MAP2K2: variants seen among roughly 807,000 people sequenced by gnomAD.
MAP2K2 encodes mitogen-activated protein kinase kinase 2, also known as dual specificity mitogen-activated protein kinase kinase 2.
In MAP2K2, 24 loss-of-function variants were observed where a neutral mutation model predicts 43.7. That is an observed-to-expected ratio of 0.55 (90% CI 0.40 to 0.77). The LOEUF (loss-of-function observed/expected upper bound fraction) is 0.77, where lower values mean the gene tolerates loss of function less well. MAP2K2 is among the 30% of genes least tolerant of loss of function. The pLI is 0.00. For synonymous variants in MAP2K2, 244 were observed against 239.7 expected, an observed-to-expected ratio of 1.02 and a Z score of -0.17; for missense variants, 470 against 566.8, an observed-to-expected ratio of 0.83 and a Z score of 1.73.
rs587781028 is a variant in MAP2K2 at position 4,095,429 on chromosome 19, G to A, written c.1005C>T (p.Asn335=). 4.9e-5 allele frequency: 76 copies of A among 1,551,242 alleles called. No homozygotes were observed. The highest frequency in any genetic ancestry group is 1.5e-4 in the South Asian group (13 of 84,058). Residue 335 remains asparagine, a synonymous_variant, in exon 9 of 11, where the codon AAC becomes AAT. Transcript: ENST00000262948. ...IVNEPPPKLP[N]GVFTPDFQEF... ...CCTGGAAGTCGGGGGTGAACACACCGTTGGGCAGCTTAGGAGGTGGCTGTG... is the reference window on the plus strand; with the variant it reads ...CCTGGAAGTCGGGGGTGAACACACCATTGGGCAGCTTAGGAGGTGGCTGTG...
chr19:4,102,564 G>A lies in MAP2K2; in HGVS notation c.451-111C>T, dbSNP rs116258312. The A allele has an allele frequency of 7.5e-5, 74 of 985,820 alleles. No homozygotes were observed. In the African/African-American group the frequency reaches 1.1e-3, roughly 15 times the overall value. 61.1% of individuals were successfully genotyped at this position (985,820 alleles called of 1,614,324 possible). On this transcript the variant is annotated intron_variant, in intron 3 of 10. Coordinates refer to ENST00000262948, the MANE Select transcript of MAP2K2 (RefSeq NM_030662.4). ...TGGTCTGCCTCCTGACGGGAAGCAG[G>A]GGCCGGAGCCCAACTCCACCCACGG...
intron 3 of MAP2K2, chr19:4,103,100 G>A: frequency 9.9e-7 from 1 of 1,014,080 alleles, no homozygotes; most frequent in Non-Finnish European, 1.2e-6. Context: ...GGGGCCAGGG[G>A]GTGCATGGAC....
At chr19:4,097,926 C>T (rs1336206210) in intron 7 of MAP2K2, among the ~76,000 whole-genome samples, 2 of 152,114 alleles carry the variant, frequency 1.3e-5, no homozygotes, top group African/African-American at 4.8e-5. Context: ...CTGGGAGAGG[C>T]TGAGGCTAGG....
chr19:4,094,560 G>C, intron 9 of MAP2K2, 62 bp from the exon 10 acceptor site: 1 of 1,515,144 alleles, frequency 6.6e-7, no homozygotes. Flanking sequence ...GCAGTCAGCT[G>C]GTGGCCCCGG....
rs1197502053 is a variant in MAP2K2, at chr19:4,097,206, A to G, written c.984+73T>C. 4 of 199,482 alleles carry G rather than the reference A, an allele frequency of 2.0e-5. No homozygotes were observed. The African/African-American group carries it at 3.1e-4, about 16-fold the overall frequency. 12.4% of individuals were successfully genotyped at this position (199,482 alleles called of 1,614,324 possible). On this transcript the variant is annotated intron_variant, in intron 8 of 10. Coordinates refer to ENST00000262948, the MANE Select transcript of MAP2K2 (RefSeq NM_030662.4). ...CTCTGGTCAGAGAGAGACTCTGCCT[A>G]AAAAAAAAAAAAAAAAAAAAAAGAA...
intron 6 of MAP2K2, 54 bp downstream of exon 6, chr19:4,100,965 T>C (rs1413638801): frequency 9.7e-6 from 15 of 1,541,696 alleles, no homozygotes; most frequent in Admixed American, 2.0e-5. Flanking sequence ...TGGGGAGAGC[T>C]TGGGGGAGAG....
chr19:4,092,589 A>AG (rs2040864799), intron 10 of MAP2K2, among the ~76,000 whole-genome samples: 1 of 151,868 alleles, frequency 6.6e-6, no homozygotes, highest in South Asian at 2.1e-4. Flanking sequence ...ACTCCGTCTG[A>AG]GGGAAAAAAA....
At chr19:4,107,149 A>G (rs2041093632) in intron 3 of MAP2K2, among the ~76,000 whole-genome samples, 1 of 152,088 alleles carries the variant, frequency 6.6e-6, no homozygotes, top group South Asian at 2.1e-4. Flanking sequence ...TAATCCCAGC[A>G]CTTTGGGAGG....
chr19:4,103,027 T>C (rs1775583052), intron 3 of MAP2K2: 1 of 1,053,938 alleles, frequency 9.5e-7, no homozygotes, highest in African/African-American at 1.7e-5. Flanking sequence ...GCTCCACTGC[T>C]GGGCGTCTGC....
rs1468506377 is a variant in MAP2K2 at position 4,101,796 on chromosome 19, G to A, written c.529-516C>T. Among the ~76,000 whole-genome samples, 2 of 152,168 alleles carry A rather than the reference G, an allele frequency of 1.3e-5. No homozygotes were observed. The highest frequency in any genetic ancestry group is 2.4e-5 in the African/African-American group (1 of 41,440). On this transcript the variant is annotated intron_variant, in intron 4 of 10. Coordinates refer to ENST00000262948, the MANE Select transcript of MAP2K2 (RefSeq NM_030662.4). This position sits in a 1 kb window ranked among gnomAD's most constrained non-coding sequence, Gnocchi z 6.3. ...TGACGGCAGCTTTCAACTCGGAAAC[G>A]CGTGTCTGGCAGCATGCGTCCTGTG...
At chr19:4,097,224 A>AAG in intron 8 of MAP2K2, 55 bp downstream of exon 8, 4 of 1,247,252 alleles carry the variant, frequency 3.2e-6, no homozygotes, top group East Asian at 2.4e-5. Flanking sequence ...AAAAAAAAAA[A>AAG]AAAAGAAAGA....
At chr19:4,092,415 C>T (rs1019529113) in intron 10 of MAP2K2, among the ~76,000 whole-genome samples, 16 of 152,094 alleles carry the variant, frequency 1.1e-4, no homozygotes, top group African/African-American at 3.9e-4. Context: ...ATGGTGAAAC[C>T]CCATCTCTAC....
At chr19:4,110,842 T>G (rs2041145583) in intron 2 of MAP2K2, among the ~76,000 whole-genome samples, 187 bp from the exon 3 acceptor site, 1 of 152,104 alleles carries the variant, frequency 6.6e-6, no homozygotes, top group Non-Finnish European at 1.5e-5. Flanking sequence ...GTGTCCCAAG[T>G]GCTCACAGCA....
intron 8 of MAP2K2, among the ~76,000 whole-genome samples, chr19:4,096,575 T>C (rs2040920611): frequency 6.6e-6 from 1 of 152,180 alleles, no homozygotes; most frequent in African/African-American, 2.4e-5. Context: ...TGTGGCTCAC[T>C]GGGTTGTTAT....
chr19:4,123,799 C>G lies in MAP2K2; in HGVS notation c.77G>C (p.Ser26Thr). 1 of 1,563,404 alleles carries G rather than the reference C, an allele frequency of 6.4e-7. No individual in the cohort carries two copies. The highest frequency in any genetic ancestry group is 8.6e-7 in the Non-Finnish European group (1 of 1,159,582). Residue 26 changes from serine to threonine, a missense_variant, in exon 1 of 11, where the codon AGC (serine) becomes ACC (threonine). This residue lies in a region of MAP2K2 where 58 missense variants were observed against 48.0 expected (regional missense o/e 1.21). Transcript: ENST00000262948. ...GCCCACTCACTCGGAGGCGCCCTCG[C>G]TGGTAGGGGATGGGCCCTCGGCGAT... is the stretch of plus-strand genomic sequence containing the variant. Reference protein sequence around the residue: ...PTIAEGPSPTSEGASEANLVD... With the variant: ...PTIAEGPSPTTEGASEANLVD...
intron 3 of MAP2K2, among the ~76,000 whole-genome samples, chr19:4,107,987 C>T (rs1393745673): frequency 1.3e-5 from 2 of 152,190 alleles, no homozygotes; most frequent in East Asian, 3.9e-4. Flanking sequence ...CGCCCATCCT[C>T]AGCCCCGGTG....
rs1036920361 is a variant in MAP2K2 at position 4,101,353 on chromosome 19, G to A, written c.529-73C>T. On this transcript the variant is annotated intron_variant, in intron 4 of 10. Coordinates refer to ENST00000262948, the MANE Select transcript of MAP2K2 (RefSeq NM_030662.4). The surrounding 1 kb of genome is among the most constrained non-coding windows in gnomAD (Gnocchi z 6.3). The stretch of plus-strand genomic sequence containing the variant: ...AGCTCCTGACCGAGCCCGGGGGTCA[G>A]AGCTGAGCAGTCAGAGCTGGAGCGA... 11 of 1,495,210 alleles carry A rather than the reference G, an allele frequency of 7.4e-6. No homozygotes were observed. Among genetic ancestry groups the A allele is most frequent in the African/African-American group, 1.4e-5 (1 of 71,858 alleles). The allele number at this position is 1,495,210 out of a possible 1,614,324, so 92.6% of individuals were successfully genotyped here. A position where few individuals can be genotyped will look rare whatever the true frequency, so the allele number is the denominator to read the frequency against.
At chr19:4,116,385 C>A (rs1471647110) in intron 2 of MAP2K2, among the ~76,000 whole-genome samples, 2 of 152,086 alleles carry the variant, frequency 1.3e-5, no homozygotes, top group Non-Finnish European at 1.5e-5. Context: ...CAAAAATTAA[C>A]TGGGTGTGGT....
chr19:4,120,010 C>T (rs2041272487), intron 1 of MAP2K2, among the ~76,000 whole-genome samples: 1 of 152,286 alleles, frequency 6.6e-6, no homozygotes, highest in Non-Finnish European at 1.5e-5. Flanking sequence ...GGCCTGGGCA[C>T]CGCTTCCTGG....
Sources: gnomAD v4.1 joint callset for allele counts (sites outside exome capture counted in the v4.1 genomes callset) on GRCh38, gnomAD v4.1.1 for gene constraint, gnomAD v4.1.1 regional missense constraint, Gnocchi (gnomAD v3.1) non-coding constraint, MANE v1.5 for transcripts, NCBI Gene and HGNC (gene_info 2026-07-23, HGNC 2026-07-21) for gene names.